NINJ2: variants seen among roughly 807,000 people sequenced by gnomAD.
The protein encoded by NINJ2 is ninjurin 2.
In NINJ2, 12 loss-of-function variants were observed where a neutral mutation model predicts 11.7. That is an observed-to-expected ratio of 1.02 (90% confidence interval 0.66 to 1.66). The LOEUF (loss-of-function observed/expected upper bound fraction) is 1.66, where lower values mean the gene tolerates loss of function less well. NINJ2 is among the 40% of genes most tolerant of loss of function. The pLI, the probability that NINJ2 is intolerant of heterozygous loss-of-function variation, is 0.00. For synonymous variants in NINJ2, 93 were observed against 76.8 expected (o/e 1.21, Z -1.10); for missense variants, 187 against 181.8 (o/e 1.03, Z -0.16).
At position 640,119 on chromosome 12, in the gene NINJ2, C is replaced by T. The variant is rs942930417; in HGVS notation, c.33+23209G>A. On this transcript the variant is annotated intron_variant, in intron 1 of 3. Coordinates refer to ENST00000305108, the MANE Select transcript of NINJ2 (RefSeq NM_016533.6). The surrounding 1 kb of genome is among the most constrained non-coding windows in gnomAD (Gnocchi z 4.0). ...CCCCAGTTCACACACGGAATGTTTGCTCTCTAGCAGCCAAATACACTGGAA... is the reference window on the plus strand; with the variant it reads ...CCCCAGTTCACACACGGAATGTTTGTTCTCTAGCAGCCAAATACACTGGAA... Among the ~76,000 whole-genome samples, 71 of 152,236 alleles carry T rather than the reference C, an allele frequency of 4.7e-4. No homozygotes were observed. The highest frequency in any genetic ancestry group is 1.7e-3 in the African/African-American group (71 of 41,472).
At chr12:599,826 C>G (rs1037877366) in intron 1 of NINJ2, among the ~76,000 whole-genome samples, 1 of 152,146 alleles carries the variant, frequency 6.6e-6, no homozygotes, top group African/African-American at 2.4e-5. Flanking sequence ...GGCTCACATT[C>G]CTCCCCGAGA....
At chr12:655,337 G>C (rs1226592682) in intron 1 of NINJ2, among the ~76,000 whole-genome samples, 1 of 152,206 alleles carries the variant, frequency 6.6e-6, no homozygotes, top group Admixed American at 6.5e-5. Context: ...ATCTCTGTTT[G>C]CAGATGACAT....
rs535362244 is a variant in NINJ2 at position 643,519 on chromosome 12, C to T, written c.33+19809G>A. On this transcript the variant is annotated intron_variant, in intron 1 of 3. Coordinates refer to ENST00000305108, the MANE Select transcript of NINJ2 (RefSeq NM_016533.6). Reference sequence around the variant, plus strand: ...TGTCCCTGGAACTGTACCTCATGTCCCCTCACTTAATCCTCCCAAGACCTG... The same window carrying T: ...TGTCCCTGGAACTGTACCTCATGTCTCCTCACTTAATCCTCCCAAGACCTG... 80 of 988,150 alleles carry T rather than the reference C, an allele frequency of 8.1e-5. No individual in the cohort carries two copies. The African/African-American group carries it at 1.1e-3, about 14-fold the overall frequency. 61.2% of individuals were successfully genotyped at this position (988,150 alleles called of 1,614,324 possible).
chr12:567,768 G>A (rs895321010), intron 1 of NINJ2, among the ~76,000 whole-genome samples: 1 of 152,210 alleles, frequency 6.6e-6, no homozygotes, highest in African/African-American at 2.4e-5. Flanking sequence ...CACTTTGAGA[G>A]GCCAAGGCAG....
At chr12:616,148 G>T (rs1948088689) in intron 1 of NINJ2, among the ~76,000 whole-genome samples, 1 of 152,204 alleles carries the variant, frequency 6.6e-6, no homozygotes, top group African/African-American at 2.4e-5. Context: ...CATTTCAACG[G>T]GTTGCCTGGA....
chr12:615,669 C>G (rs965072187), intron 1 of NINJ2, among the ~76,000 whole-genome samples: 1 of 152,208 alleles, frequency 6.6e-6, no homozygotes, highest in African/African-American at 2.4e-5. Flanking sequence ...CAGCTCCTAT[C>G]GGCTAAATTT....
At chr12:641,371 G>C (rs1948414573) in intron 1 of NINJ2, among the ~76,000 whole-genome samples, 2 of 151,296 alleles carry the variant, frequency 1.3e-5, no homozygotes, top group African/African-American at 4.9e-5. Flanking sequence ...TTGATCTGCA[G>C]GTGGGTTCCA....
chr12:567,458 G>A (rs1947316636), intron 1 of NINJ2, among the ~76,000 whole-genome samples: 1 of 152,182 alleles, frequency 6.6e-6, no homozygotes, highest in Non-Finnish European at 1.5e-5. Flanking sequence ...TTGTTTTGAA[G>A]TATAAAATAA....
intron 1 of NINJ2, chr12:644,697 T>C (rs1218211788): frequency 6.6e-6 from 1 of 152,234 alleles, no homozygotes; most frequent in African/African-American, 2.4e-5. Context: ...AAAAAATTTA[T>C]TGACACCTAC....
At chr12:627,136 C>A (rs1948219119) in intron 1 of NINJ2, among the ~76,000 whole-genome samples, 1 of 152,050 alleles carries the variant, frequency 6.6e-6, no homozygotes. Context: ...ACAGTAATGG[C>A]CCATAGCAAG....
chr12:658,488 G>C (rs768671387), intron 1 of NINJ2, among the ~76,000 whole-genome samples: 3 of 152,204 alleles, frequency 2.0e-5, no homozygotes, highest in Non-Finnish European at 2.9e-5. Context: ...TACTGAGTGA[G>C]AGAAGGCAAT....
At position 564,941 on chromosome 12, in the gene NINJ2, C is replaced by T. The variant is rs1040489957; in HGVS notation, c.*19-260G>A. 3.3e-5 allele frequency among the ~76,000 whole-genome samples: 5 copies of T among 152,228 alleles called. No homozygotes were observed. In the East Asian group the frequency reaches 5.8e-4, roughly 18 times the overall value. On this transcript the variant is annotated intron_variant, in intron 3 of 3. Transcript: ENST00000305108. ...TCCCCATCTCCACCTTTCCTCTTGC[C>T]GGAGGGGCAGAGTCAACCACTAATG... is the stretch of plus-strand genomic sequence containing the variant.
Position 618,991 on chromosome 12 carries a change from A to G in NINJ2, c.33+44337T>C, listed in dbSNP as rs80299053. Among the ~76,000 whole-genome samples, 636 of 152,340 alleles carry G rather than the reference A, an allele frequency of 4.2e-3. 30 individuals are homozygous for G. The East Asian group carries it at 0.11, about 25-fold the overall frequency. ...CCCCACAAACAACAGATTATCAGAAAGGTCAGGCTTCTTTCTGACAGGGGC... is the reference window on the plus strand; with the variant it reads ...CCCCACAAACAACAGATTATCAGAAGGGTCAGGCTTCTTTCTGACAGGGGC... On this transcript the variant is annotated intron_variant, in intron 1 of 3. Coordinates refer to ENST00000305108, the MANE Select transcript of NINJ2 (RefSeq NM_016533.6).
intron 1 of NINJ2, among the ~76,000 whole-genome samples, chr12:648,735 C>T (rs1937735954): frequency 6.6e-6 from 1 of 152,198 alleles, no homozygotes; most frequent in Non-Finnish European, 1.5e-5. Context: ...ATTTGGCCTT[C>T]AGGGTCCATC....
chr12:649,525 A>G (rs1012092924), intron 1 of NINJ2, among the ~76,000 whole-genome samples: 6 of 69,928 alleles, frequency 8.6e-5, no homozygotes, highest in African/African-American at 2.1e-4. Flanking sequence ...GTGTGTGTGT[A>G]TATGTGTATA....
At chr12:569,849 G>A (rs1350318775) in intron 1 of NINJ2, among the ~76,000 whole-genome samples, 1 of 152,336 alleles carries the variant, frequency 6.6e-6, no homozygotes, top group Non-Finnish European at 1.5e-5. Context: ...CGCTAAATGC[G>A]GGGCCGACTC....
chr12:621,175 T>C (rs1254781929), intron 1 of NINJ2, among the ~76,000 whole-genome samples: 1 of 152,096 alleles, frequency 6.6e-6, no homozygotes, highest in Non-Finnish European at 1.5e-5. Context: ...CAACCAGGCA[T>C]GGTGATTCAC....
At chr12:611,996 C>T (rs1276928407) in intron 1 of NINJ2, among the ~76,000 whole-genome samples, 2 of 152,228 alleles carry the variant, frequency 1.3e-5, no homozygotes, top group Non-Finnish European at 2.9e-5. Flanking sequence ...CTAATGAGAA[C>T]TTAGCAAGAA....
chr12:609,738 T>C (rs909393437), intron 1 of NINJ2, among the ~76,000 whole-genome samples: 4 of 136,564 alleles, frequency 2.9e-5, no homozygotes, highest in African/African-American at 1.1e-4. Context: ...ACCACTGCAC[T>C]CCAGCCTGGG....
Sources: allele counts gnomAD v4.1 joint callset (sites outside exome capture counted in the v4.1 genomes callset), GRCh38; gene constraint gnomAD v4.1.1; non-coding constraint Gnocchi (gnomAD v3.1); transcripts MANE v1.5; gene names NCBI Gene and HGNC (gene_info 2026-07-23, HGNC 2026-07-21).